Variants in STOX2 observed in about 807,000 individuals in gnomAD.
STOX2 encodes the protein storkhead box 2, also known as storkhead-box protein 2.
In STOX2, 28 loss-of-function variants were observed where a neutral mutation model predicts 60.9. The observed-to-expected ratio is 0.46, with a 90% CI of 0.34 to 0.63. The LOEUF (loss-of-function observed/expected upper bound fraction) is 0.63, where lower values mean the gene tolerates loss of function less well. Ranked by LOEUF, STOX2 falls within the 30% of genes least tolerant of loss-of-function variation. The pLI is 0.01. For missense variants in STOX2, 1,024 were observed against 1,187.7 expected (o/e 0.86, Z 2.03); for synonymous variants, 472 against 463.9 (o/e 1.02, Z -0.22).
intron 2 of STOX2, among the ~76,000 whole-genome samples, chr4:184,004,155 ATAAAGTTT>A (rs1733714601): frequency 6.6e-6 from 1 of 152,226 alleles, no homozygotes; most frequent in South Asian, 2.1e-4. Flanking sequence ...CTATTCAAAA[ATAAAGTTT>A]TTGAGCCTAA....
At chr4:183,968,751 G>A (rs1469508903) in intron 1 of STOX2, among the ~76,000 whole-genome samples, 3 of 151,644 alleles carry the variant, frequency 2.0e-5, no homozygotes, top group East Asian at 1.9e-4. Flanking sequence ...GTTGGGTTGC[G>A]GCAGGGGGGC....
chr4:183,985,988 C>T (rs960614081), intron 1 of STOX2, among the ~76,000 whole-genome samples: 12 of 152,120 alleles, frequency 7.9e-5, no homozygotes, highest in African/African-American at 2.4e-4. Context: ...TGATGAAAGG[C>T]GAGTGGCTTT....
intron 1 of STOX2, among the ~76,000 whole-genome samples, chr4:183,884,201 G>A (rs1236914878): frequency 6.6e-6 from 1 of 151,354 alleles, no homozygotes; most frequent in African/African-American, 2.4e-5. Flanking sequence ...CACTGCAGCT[G>A]TTCTTTTTAT....
At chr4:183,950,570 G>C (rs1022001519) in intron 1 of STOX2, among the ~76,000 whole-genome samples, 1 of 152,190 alleles carries the variant, frequency 6.6e-6, no homozygotes, top group Non-Finnish European at 1.5e-5. Context: ...CCACTGGAAG[G>C]CTTAATGGGG....
intron 1 of STOX2, among the ~76,000 whole-genome samples, chr4:183,896,356 T>G (rs906045722): frequency 1.3e-5 from 2 of 152,184 alleles, no homozygotes; most frequent in Admixed American, 1.3e-4. Context: ...GTTTATCTTT[T>G]TATAGAAACA....
chr4:183,934,754 A>T (rs1317644426), intron 1 of STOX2, among the ~76,000 whole-genome samples: 1 of 152,244 alleles, frequency 6.6e-6, no homozygotes, highest in Non-Finnish European at 1.5e-5. Flanking sequence ...AATTTCAAAG[A>T]ATCAATATGC....
At chr4:183,833,810 C>G (rs1364338096) in intron 1 of STOX2, among the ~76,000 whole-genome samples, 4 of 149,136 alleles carry the variant, frequency 2.7e-5, no homozygotes, top group South Asian at 2.1e-4. Flanking sequence ...GGTGAAACCC[C>G]GTCTCTACTA....
At chr4:183,953,288 G>A (rs923353571) in intron 1 of STOX2, among the ~76,000 whole-genome samples, 3 of 152,102 alleles carry the variant, frequency 2.0e-5, no homozygotes, top group African/African-American at 7.2e-5. Context: ...GATTTCCTTG[G>A]GAAAGGCAGA....
chr4:183,997,607 G>A (rs1052484608), intron 1 of STOX2, among the ~76,000 whole-genome samples: 10 of 152,208 alleles, frequency 6.6e-5, no homozygotes, highest in African/African-American at 2.2e-4. Context: ...TGAAGGACCA[G>A]GTGAGAGATG....
chr4:183,994,328 G>T (rs1262508128), intron 1 of STOX2, among the ~76,000 whole-genome samples: 2 of 152,210 alleles, frequency 1.3e-5, no homozygotes, highest in Non-Finnish European at 2.9e-5. Context: ...TTTTGGCGGT[G>T]CAGAGAACAA....
At chr4:183,925,509 C>T (rs1253914352) in intron 1 of STOX2, among the ~76,000 whole-genome samples, 1 of 152,080 alleles carries the variant, frequency 6.6e-6, no homozygotes, top group African/African-American at 2.4e-5. Flanking sequence ...TGCAAAGTTG[C>T]TTGAAGAATA....
chr4:184,011,281 C>G lies in STOX2; in HGVS notation c.2443C>G (p.Gln815Glu). Reference sequence around the variant, plus strand: ...CGAGCGGGAGAAGGAAAGAGACTTGCAGAGGAAATTTGAAAAGAACCTCAC... The same window carrying G: ...CGAGCGGGAGAAGGAAAGAGACTTGGAGAGGAAATTTGAAAAGAACCTCAC... ...LLEREKERDL[Q>E]RKFEKNLTLL... The change falls in exon 3 of 4, where the codon CAG becomes GAG. Residue 815 changes from glutamine to glutamate, a missense_variant. Transcript: ENST00000308497. This position sits in a 1 kb window ranked among gnomAD's most constrained non-coding sequence, Gnocchi z 4.4. 2 of 1,613,918 alleles carry G rather than the reference C, an allele frequency of 1.2e-6. No homozygotes were observed. The highest frequency in any genetic ancestry group is 1.7e-6 in the Non-Finnish European group (2 of 1,179,848).
At chr4:183,840,537 G>T (rs1441056264) in intron 1 of STOX2, among the ~76,000 whole-genome samples, 1 of 152,196 alleles carries the variant, frequency 6.6e-6, no homozygotes, top group African/African-American at 2.4e-5. Flanking sequence ...GCACGTTTGT[G>T]TTTGTGTGTA....
chr4:183,848,785 G>A (rs1579330413), intron 1 of STOX2, among the ~76,000 whole-genome samples: 2 of 152,322 alleles, frequency 1.3e-5, no homozygotes, highest in African/African-American at 4.8e-5. Flanking sequence ...CTTACAGACA[G>A]TCATGTAATA....
chr4:183,906,872 T>TC lies in STOX2; in HGVS notation c.85dup (p.Arg29ProfsTer29). On this transcript the variant is annotated frameshift_variant, in exon 1 of 4. Transcript: ENST00000308497. LOFTEE classifies it high-confidence loss of function. The stretch of plus-strand genomic sequence containing the variant: ...GGACCGGGCCTCGGACCGCATGAGG[T>TC]CCCGCAGCGAGAAGGACTACCGCCT... 1 of 1,551,240 alleles carries TC rather than the reference T, an allele frequency of 6.4e-7. No individual in the cohort carries two copies. The highest frequency in any genetic ancestry group is 8.7e-7 in the Non-Finnish European group (1 of 1,146,960).
At chr4:183,945,373 T>C (rs1395544394) in intron 1 of STOX2, among the ~76,000 whole-genome samples, 6 of 152,134 alleles carry the variant, frequency 3.9e-5, no homozygotes, top group African/African-American at 1.4e-4. Flanking sequence ...ACCCATTCCT[T>C]GGTGAGAGAG....
chr4:184,013,575 C>A (rs545709198), intron 3 of STOX2, among the ~76,000 whole-genome samples: 4 of 152,290 alleles, frequency 2.6e-5, no homozygotes, highest in Admixed American at 2.6e-4. Context: ...AATTTTACCC[C>A]TTTCATATTT....
chr4:184,018,172 G>C lies in STOX2; in HGVS notation c.*888G>C, dbSNP rs1032676513. ...AGAATTTCCTCCTTGTGATACTTAG[G>C]ATGACCCTATCTTACTCTAATAGAT... On this transcript the variant is annotated 3_prime_UTR_variant, in exon 4 of 4. Transcript: ENST00000308497. 6.6e-6 allele frequency: 1 copy of C among 152,196 alleles called. No homozygotes were observed. Among genetic ancestry groups the C allele is most frequent in the African/African-American group, 2.4e-5 (1 of 41,454 alleles). The allele number at this position is 152,196 out of a possible 1,614,324, so 9.4% of individuals were successfully genotyped here.
chr4:183,818,286 G>T (rs950952544), intron 1 of STOX2, among the ~76,000 whole-genome samples: 6 of 151,912 alleles, frequency 3.9e-5, no homozygotes, highest in African/African-American at 1.5e-4. Flanking sequence ...AGATTAGGGA[G>T]TGGTGATGAC....
Sources: allele counts gnomAD v4.1 joint callset (sites outside exome capture counted in the v4.1 genomes callset), GRCh38; gene constraint gnomAD v4.1.1; non-coding constraint Gnocchi (gnomAD v3.1); transcripts MANE v1.5; gene names NCBI Gene and HGNC (gene_info 2026-07-23, HGNC 2026-07-21).